The following TRIM49B variants were observed in gnomAD, a reference collection of about 807,000 sequenced individuals.
The protein encoded by TRIM49B is tripartite motif containing 49B, also known as putative tripartite motif-containing protein 49B.
A neutral mutation model predicts 31.8 loss-of-function variants in TRIM49B; 18 were observed. The observed-to-expected ratio is 0.57, with a 90% CI of 0.39 to 0.84. The LOEUF (loss-of-function observed/expected upper bound fraction) is 0.84, where lower values mean the gene tolerates loss of function less well. Among genes scored for constraint, TRIM49B ranks in the 40% least tolerant of loss-of-function variants. The pLI, the probability that TRIM49B is intolerant of heterozygous loss-of-function variation, is 0.00. For missense variants in TRIM49B, 494 were observed against 538.7 expected, an observed-to-expected ratio of 0.92 and a Z score of 0.82; for synonymous variants, 196 against 180.6, an observed-to-expected ratio of 1.09 and a Z score of -0.68.
intron 1 of TRIM49B, among the ~76,000 whole-genome samples, chr11:49,030,749 G>A (rs554100570): frequency 2.5e-4 from 38 of 152,162 alleles, no homozygotes; most frequent in African/African-American, 7.9e-4. Context: ...TAGTTCCCTA[G>A]GTATTGGTTA....
intron 1 of TRIM49B, among the ~76,000 whole-genome samples, chr11:49,029,668 C>G (rs1466187933): frequency 6.6e-6 from 1 of 152,008 alleles, no homozygotes; most frequent in Non-Finnish European, 1.5e-5. Context: ...CTGCTTTATG[C>G]TAAAGGACTT....
chr11:49,029,567 C>G (rs1183141681), intron 1 of TRIM49B, among the ~76,000 whole-genome samples: 1 of 152,142 alleles, frequency 6.6e-6, no homozygotes, highest in Non-Finnish European at 1.5e-5. Context: ...CTTAAAATGT[C>G]TTAGATGAGT....
Position 49,038,036 on chromosome 11 carries a change from C to T in TRIM49B, c.*59C>T. 3 of 1,573,740 alleles carry T rather than the reference C, an allele frequency of 1.9e-6. No homozygotes were observed. The South Asian group carries it at 3.6e-5, about 19-fold the overall frequency. The stretch of plus-strand genomic sequence containing the variant: ...TGGGAACCCCTTTATCCCAGGAAGT[C>T]CTCTTCCTTGTGCCTTAACATACAG... On this transcript the variant is annotated 3_prime_UTR_variant, in exon 7 of 7. Transcript: ENST00000332682.
chr11:49,036,305 G>T lies in TRIM49B; in HGVS notation c.766G>T (p.Glu256Ter), dbSNP rs533025734. 2 of 1,538,156 alleles carry T rather than the reference G, an allele frequency of 1.3e-6. No individual in the cohort carries two copies. The highest frequency in any genetic ancestry group is 2.7e-5 in the African/African-American group (2 of 72,800). The change falls in exon 6 of 7, where the codon GAG becomes TAG. Residue 256 changes from glutamate (E) to a stop codon, truncating the protein, a stop_gained. Coordinates refer to ENST00000332682, the MANE Select transcript of TRIM49B (RefSeq NM_001206626.2). LOFTEE classifies it high-confidence loss of function. Reference sequence around the variant, plus strand: ...ACTGCAGGTTTTTCCTTGCAGGAGTGAGTCCGTGCTGCTGCACATGCCCCA... The same window carrying T: ...ACTGCAGGTTTTTCCTTGCAGGAGTTAGTCCGTGCTGCTGCACATGCCCCA... ...QAFGDILHRS[E>*]SVLLHMPQPL...
chr11:49,035,339 A>ATTTTTTTTTT lies in TRIM49B; in HGVS notation c.761+251_761+260dup, dbSNP rs1162056301. On this transcript the variant is annotated intron_variant, in intron 5 of 6. Transcript: ENST00000332682. ...ACTAAAACAAACAATTTGATTCCTG[A>ATTTTTTTTTT]TTTTTTTTTTTTTTTTTTTTTTTTT... Among the ~76,000 whole-genome samples the ATTTTTTTTTT allele has an allele frequency of 5.2e-3, 295 of 56,798 alleles. 56 individuals are homozygous for ATTTTTTTTTT. The highest frequency in any genetic ancestry group is 8.7e-3 in the African/African-American group (117 of 13,458). The allele number at this position is 56,798 out of a possible 152,430, so 37.3% of individuals were successfully genotyped here. A position where few individuals can be genotyped will look rare whatever the true frequency, so the allele number is the denominator to read the frequency against.
intron 6 of TRIM49B, among the ~76,000 whole-genome samples, chr11:49,036,719 C>T (rs1446805147): frequency 1.3e-5 from 2 of 151,900 alleles, no homozygotes; most frequent in Non-Finnish European, 2.9e-5. Flanking sequence ...ATGTTAAATA[C>T]AAAATTGTAC....
At chr11:49,032,486 A>G (rs79185377) in intron 3 of TRIM49B, 115 bp downstream of exon 3, 459 of 1,101,738 alleles carry the variant, frequency 4.2e-4, no homozygotes, top group East Asian at 7.3e-4. Flanking sequence ...TAAAAAAAAA[A>G]GAAAAAAAAA....
At position 49,037,669 on chromosome 11, in the gene TRIM49B, T is replaced by G; in HGVS notation, c.1051T>G (p.Trp351Gly). 6.2e-7 allele frequency: 1 copy of G among 1,613,962 alleles called. No individual in the cohort carries two copies. The highest frequency in any genetic ancestry group is 1.3e-5 in the African/African-American group (1 of 75,034). Residue 351 changes from tryptophan (W) to glycine (G), a missense_variant, in exon 7 of 7, where the codon TGG becomes GGG. Trp to Gly is a radical substitution (Grantham distance 184). Transcript: ENST00000332682. The part of the protein sequence containing the change: ...YYWEVHVGDS[W>G]NWAFGVCNMY... ...CTGGGAGGTCCATGTAGGGGACTCC[T>G]GGAATTGGGCTTTTGGTGTCTGTAA...
chr11:49,035,581 A>G (rs935848026), intron 5 of TRIM49B, among the ~76,000 whole-genome samples: 21 of 151,788 alleles, frequency 1.4e-4, no homozygotes, highest in African/African-American at 4.6e-4. Flanking sequence ...GATGGTCTCT[A>G]TCTCCTGACC....
Position 49,031,722 on chromosome 11 carries a change from C to T in TRIM49B, c.123C>T (p.Leu41=). Residue 41 remains leucine (L), a synonymous_variant, in exon 2 of 7, where the codon CTC becomes CTT. Transcript: ENST00000332682. The part of the protein sequence containing the change: ...GHSFCRPCFY[L]NWKDSPFLVQ... The stretch of plus-strand genomic sequence containing the variant: ...GCTTTTGCAGGCCTTGTTTCTACCT[C>T]AACTGGAAAGACAGCCCATTTCTTG... The T allele has an allele frequency of 6.2e-7, 1 of 1,613,970 alleles. No homozygotes were observed. The highest frequency in any genetic ancestry group is 8.5e-7 in the Non-Finnish European group (1 of 1,179,874).
chr11:49,031,825 C>T lies in TRIM49B; in HGVS notation c.226C>T (p.Leu76Phe), dbSNP rs771059412. Reference protein sequence around the residue: ...TNIHFKKMASLARKVSLWLFL... With the variant: ...TNIHFKKMASFARKVSLWLFL... ...CATTCATTTCAAGAAGATGGCTTCT[C>T]TTGCTAGAAAAGTCAGTCTCTGGCT... The change falls in exon 2 of 7, where the codon CTT (leucine) becomes TTT (phenylalanine). Residue 76 changes from leucine (L) to phenylalanine (F), a missense_variant. Leu to Phe is a conservative substitution (Grantham distance 22). Transcript: ENST00000332682. The T allele has an allele frequency of 1.9e-6, 3 of 1,613,870 alleles. No individual in the cohort carries two copies. The highest frequency in any genetic ancestry group is 2.2e-5 in the South Asian group (2 of 91,080).
intron 3 of TRIM49B, 131 bp downstream of exon 3, chr11:49,032,502 A>T: frequency 5.3e-6 from 8 of 1,516,142 alleles, no homozygotes; most frequent in Non-Finnish European, 7.0e-6. Flanking sequence ...AAAAAGCGAG[A>T]GAAAACATTG....
chr11:49,034,829 A>G (rs1039650107), intron 4 of TRIM49B, among the ~76,000 whole-genome samples: 1 of 152,224 alleles, frequency 6.6e-6, no homozygotes, highest in African/African-American at 2.4e-5. Context: ...CGTGGTTACC[A>G]CAGAGCATAG....
At position 49,034,233 on chromosome 11, in the gene TRIM49B, G is replaced by C. The variant is rs753961757; in HGVS notation, c.595G>C (p.Glu199Gln). 127 of 1,611,820 alleles carry C rather than the reference G, an allele frequency of 7.9e-5. No homozygotes were observed. The highest frequency in any genetic ancestry group is 1.5e-4 in the Admixed American group (9 of 59,990). ...CCATGAAGAAGAAAAACATAATTTG[G>C]AGATGCTGAAAAAGAAGGGGAAAGA... ...FHHEEEKHNL[E>Q]MLKKKGKDIF... The change falls in exon 4 of 7, where the codon GAG (glutamate) becomes CAG (glutamine). Residue 199 changes from glutamate (E) to glutamine (Q), a missense_variant. Glu to Gln is a conservative substitution (Grantham distance 29). Transcript: ENST00000332682.
intron 1 of TRIM49B, among the ~76,000 whole-genome samples, chr11:49,030,029 A>G (rs1314543419): frequency 6.6e-6 from 1 of 152,174 alleles, no homozygotes; most frequent in Admixed American, 6.5e-5. Flanking sequence ...ATATTCTATC[A>G]TATTAAAACA....
rs760928683 is a variant in TRIM49B, at chr11:49,037,708, G to C, written c.1090G>C (p.Glu364Gln). 1.9e-6 allele frequency: 3 copies of C among 1,613,946 alleles called. No individual in the cohort carries two copies. Among genetic ancestry groups the C allele is most frequent in the Non-Finnish European group, 2.5e-6 (3 of 1,179,850 alleles). ...TGGTGTCTGTAATATGTATTGGAAA[G>C]AGAAGAATCAGAATGAGAAGATAGA... is the stretch of plus-strand genomic sequence containing the variant. ...AFGVCNMYWK[E>Q]KNQNEKIDGE... Residue 364 changes from glutamate (E) to glutamine (Q), a missense_variant, in exon 7 of 7, where the codon GAG (glutamate) becomes CAG (glutamine). Transcript: ENST00000332682.
rs546099259 is a variant in TRIM49B at position 49,028,848 on chromosome 11, C to G, written c.-132C>G. 1.3e-5 allele frequency: 2 copies of G among 158,638 alleles called. No individual in the cohort carries two copies. Among genetic ancestry groups the G allele is most frequent in the Non-Finnish European group, 2.9e-5 (2 of 68,068 alleles). The allele number at this position is 158,638 out of a possible 1,614,324, so 9.8% of individuals were successfully genotyped here. On this transcript the variant is annotated 5_prime_UTR_variant, in exon 1 of 7. Coordinates refer to ENST00000332682, the MANE Select transcript of TRIM49B (RefSeq NM_001206626.2). ...AGTTTTCTCTGAAGGAGAAGGACTGCACTTAGAACTGCATTTTGGTGACCT... is the reference window on the plus strand; with the variant it reads ...AGTTTTCTCTGAAGGAGAAGGACTGGACTTAGAACTGCATTTTGGTGACCT...
chr11:49,034,736 G>C (rs1854498262), intron 4 of TRIM49B, among the ~76,000 whole-genome samples: 1 of 152,084 alleles, frequency 6.6e-6, no homozygotes, highest in Non-Finnish European at 1.5e-5. Flanking sequence ...AGAAGTTTTG[G>C]GAATCTAGGT....
In TRIM49B at chr11:49,038,032, A is replaced by G; in HGVS notation, c.*55A>G. 6.3e-7 allele frequency: 1 copy of G among 1,577,256 alleles called. No individual in the cohort carries two copies. Among genetic ancestry groups the G allele is most frequent in the Non-Finnish European group, 8.6e-7 (1 of 1,165,498 alleles). On this transcript the variant is annotated 3_prime_UTR_variant, in exon 7 of 7. Transcript: ENST00000332682. ...GCTGTGGGAACCCCTTTATCCCAGG[A>G]AGTCCTCTTCCTTGTGCCTTAACAT...
Sources: allele counts gnomAD v4.1 joint callset (sites outside exome capture counted in the v4.1 genomes callset), GRCh38; gene constraint gnomAD v4.1.1; transcripts MANE v1.5; gene names NCBI Gene and HGNC (gene_info 2026-07-23, HGNC 2026-07-21).